Variants in TMC4 observed in about 807,000 individuals in gnomAD.
TMC4 encodes transmembrane channel like 4, also known as voltage-gated chloride channel TMC4.
Under a neutral mutation model 82.0 loss-of-function variants are expected in TMC4, and 70 were observed. The ratio of observed to expected loss-of-function variants is 0.85; its 90% CI spans 0.70 to 1.04. The LOEUF (loss-of-function observed/expected upper bound fraction) is 1.04. Ranked by LOEUF, TMC4 falls within the 50% of genes least tolerant of loss-of-function variation. The pLI is 0.00. For missense variants in TMC4, 879 were observed against 899.0 expected (o/e 0.98, Z 0.28); for synonymous variants, 446 against 406.0 (o/e 1.10, Z -1.18).
rs764745716 is a variant in TMC4 at position 54,169,597 on chromosome 19, C to T, written c.357G>A (p.Ala119=). 8.7e-6 allele frequency: 14 copies of T among 1,614,042 alleles called. No homozygotes were observed. The highest frequency in any genetic ancestry group is 1.6e-4 in the Middle Eastern group (1 of 6,062). Residue 119 remains alanine, a synonymous_variant, in exon 3 of 15, where the codon GCG becomes GCA. Coordinates refer to ENST00000619895, the MANE Select transcript of TMC4 (RefSeq NM_144686.4). The part of the protein sequence containing the change: ...YGSGTKTDRW[A]RLLRRSKEKT... ...TCTCCTTGGACCTCCGAAGTAGCCG[C>T]GCCCATCGGTCCGTCTTAGTTCCAG... is the stretch of plus-strand genomic sequence containing the variant.
chr19:54,162,738 G>C lies in TMC4; in HGVS notation c.1437C>G (p.Tyr479Ter). Residue 479 changes from tyrosine (Y) to a stop codon, truncating the protein, a stop_gained, in exon 10 of 15, where the codon TAC (tyrosine) becomes TAG (stop). Coordinates refer to ENST00000619895, the MANE Select transcript of TMC4 (RefSeq NM_144686.4). LOFTEE classifies it high-confidence loss of function. ...TCAGCAGATCAAAGAGCAGAAGTTT[G>C]TACATTTCCTGGCCCAGGACAGTCT... The part of the protein sequence containing the change: ...CWETVLGQEM[Y>*]KLLLFDLLTV... 6.2e-7 allele frequency: 1 copy of C among 1,614,074 alleles called. No homozygotes were observed. The highest frequency in any genetic ancestry group is 8.5e-7 in the Non-Finnish European group (1 of 1,180,004).
At position 54,169,573 on chromosome 19, in the gene TMC4, C is replaced by G. The variant is rs1404591565; in HGVS notation, c.381G>C (p.Glu127Asp). ...RWARLLRRSK[E>D]KTKEGLRSLQ... ...GGCTTCGCAAGCCTTCCTTTGTTTT[C>G]TCCTTGGACCTCCGAAGTAGCCGCG... is the stretch of plus-strand genomic sequence containing the variant. The change falls in exon 3 of 15, where the codon GAG becomes GAC. Residue 127 changes from glutamate to aspartate, a missense_variant. Physicochemically the swap from Glu to Asp is conservative, Grantham distance 45. Coordinates refer to ENST00000619895, the MANE Select transcript of TMC4 (RefSeq NM_144686.4). The G allele has an allele frequency of 6.2e-7, 1 of 1,613,946 alleles. No individual in the cohort carries two copies. The highest frequency in any genetic ancestry group is 1.7e-5 in the Admixed American group (1 of 59,986).
In TMC4 at chr19:54,163,849, A is replaced by C; in HGVS notation, c.1152T>G (p.Leu384=). 1 of 1,613,964 alleles carries C rather than the reference A, an allele frequency of 6.2e-7. No individual in the cohort carries two copies. Among genetic ancestry groups the C allele is most frequent in the Non-Finnish European group, 8.5e-7 (1 of 1,179,970 alleles). ...AGATGGACGGAAGGTAATTCACCCC[A>C]AGCTTCAGCAGTGGCAACTCCTGGA... ...PLVQELPLLK[L]GVNYLPSIFI... Residue 384 remains leucine (L), a synonymous_variant, in exon 8 of 15, where the codon CTT becomes CTG. Transcript: ENST00000619895.
chr19:54,171,193 C>T (rs529237840), intron 2 of TMC4, among the ~76,000 whole-genome samples: 122 of 135,466 alleles, frequency 9.0e-4, no homozygotes, highest in African/African-American at 3.3e-3. Context: ...ACTGCAACCT[C>T]TATCTCCCTG....
chr19:54,171,098 C>T (rs57322000), intron 2 of TMC4, among the ~76,000 whole-genome samples: 10 of 27,734 alleles, frequency 3.6e-4, no homozygotes, highest in South Asian at 2.1e-3. Context: ...TATATACACA[C>T]ATATGCATAT....
rs1168157143 is a variant in TMC4 at position 54,162,287 on chromosome 19, T to C, written c.1503-2A>G. 6.5e-7 allele frequency: 1 copy of C among 1,541,478 alleles called. No homozygotes were observed. The highest frequency in any genetic ancestry group is 1.5e-5 in the African/African-American group (1 of 68,876). ...CCAGGACAGAGGCCACAGAGGAGCC[T>C]GAAGGACGGGGCGGGGCCGGGCCGG... On this transcript the variant is annotated splice_acceptor_variant, in intron 10 of 14. Transcript: ENST00000619895. LOFTEE classifies it high-confidence loss of function.
chr19:54,160,116 C>A lies in TMC4; in HGVS notation c.*190G>T, dbSNP rs1479594140. 3 of 598,148 alleles carry A rather than the reference C, an allele frequency of 5.0e-6. No individual in the cohort carries two copies. The highest frequency in any genetic ancestry group is 7.9e-6 in the Non-Finnish European group (3 of 377,792). The allele number at this position is 598,148 out of a possible 1,614,324, so 37.1% of individuals were successfully genotyped here. On this transcript the variant is annotated 3_prime_UTR_variant, in exon 15 of 15. Coordinates refer to ENST00000619895, the MANE Select transcript of TMC4 (RefSeq NM_144686.4). ...CAGATTTCAAAGCGCGCTCAGCAAC[C>A]TCGGCTGTATTTATTGATACAAGGA...
chr19:54,171,843 G>T (rs371181168), intron 2 of TMC4, 27 bp downstream of exon 2: 3 of 1,567,388 alleles, frequency 1.9e-6, no homozygotes, highest in Non-Finnish European at 1.7e-6. Flanking sequence ...CGGGCTGTGC[G>T]GGTCCCAGCT....
intron 5 of TMC4, among the ~76,000 whole-genome samples, chr19:54,167,732 T>A (rs1025181057): frequency 4.6e-5 from 7 of 150,802 alleles, no homozygotes; most frequent in Non-Finnish European, 1.0e-4. Context: ...AAACCTTGAT[T>A]TTAACTCACA....
rs747519316 is a variant in TMC4 at position 54,161,079 on chromosome 19, C to T, written c.1818-46G>A. On this transcript the variant is annotated intron_variant, in intron 12 of 14. Transcript: ENST00000619895. The stretch of plus-strand genomic sequence containing the variant: ...GCTCACATAGTGCCAGGAGTCTGAA[C>T]ACTGAATGGGGAGAGAGGGAGGGAG... The T allele has an allele frequency of 3.1e-6, 5 of 1,610,328 alleles. No individual in the cohort carries two copies. The African/African-American group carries it at 5.3e-5, about 17-fold the overall frequency.
At chr19:54,162,619 G>A (rs78890278) in intron 10 of TMC4, 54 bp downstream of exon 10, 25,585 of 1,408,352 alleles carry the variant, frequency 0.018, 908 homozygotes, top group African/African-American at 0.13. Context: ...CAGCGCGATG[G>A]GGCACGGCCT....
rs1486817504 is a variant in TMC4 at position 54,162,766 on chromosome 19, C to T, written c.1409G>A (p.Trp470Ter). The T allele has an allele frequency of 2.5e-6, 4 of 1,613,882 alleles. No homozygotes were observed. Among genetic ancestry groups the T allele is most frequent in the Non-Finnish European group, 3.4e-6 (4 of 1,179,866 alleles). Residue 470 changes from tryptophan (W) to a stop codon, truncating the protein, a stop_gained, in exon 10 of 15, where the codon TGG (tryptophan) becomes TAG (stop). Transcript: ENST00000619895. LOFTEE classifies it high-confidence loss of function. ...CATTTCCTGGCCCAGGACAGTCTCC[C>T]AGCACTGAAGAAGGAAGAAATATAT... ...CGYNYKQLPC[W>*]ETVLGQEMYK...
In TMC4 at chr19:54,163,175, C is replaced by T. The variant is rs767600860; in HGVS notation, c.1278-16G>A. The T allele has an allele frequency of 7.4e-6, 12 of 1,612,794 alleles. No homozygotes were observed. The highest frequency in any genetic ancestry group is 1.0e-5 in the Non-Finnish European group (12 of 1,179,934). ...AAACACGGTCCTGAAGGGGGGAAGG[C>T]AGAGAATGGGCCCTGACCCGGTACC... On this transcript the variant is annotated splice_polypyrimidine_tract_variant and intron_variant, in intron 8 of 14. Transcript: ENST00000619895.
chr19:54,172,779 C>A, intron 1 of TMC4: 1 of 435,996 alleles, frequency 2.3e-6, no homozygotes, highest in South Asian at 3.7e-5. Flanking sequence ...GGGAACCCAG[C>A]CTCTCCTATT....
intron 2 of TMC4, among the ~76,000 whole-genome samples, chr19:54,169,871 C>A (rs995205186): frequency 6.6e-6 from 1 of 151,936 alleles, no homozygotes; most frequent in African/African-American, 2.4e-5. Context: ...GGGTGAATCA[C>A]CTGAGGTCAG....
chr19:54,164,694 C>A, intron 6 of TMC4, 93 bp from the exon 7 acceptor site: 3 of 1,515,692 alleles, frequency 2.0e-6, no homozygotes, highest in Non-Finnish European at 1.8e-6. Context: ...TCCTCCTTAA[C>A]GTGAACTGAT....
intron 8 of TMC4, 107 bp downstream of exon 8, chr19:54,163,617 C>G (rs745482526): frequency 3.7e-6 from 5 of 1,364,902 alleles, no homozygotes; most frequent in Non-Finnish European, 5.2e-6. Context: ...GATTTGAATC[C>G]CTGGATTCGG....
chr19:54,161,684 G>T (rs867903633), intron 11 of TMC4, among the ~76,000 whole-genome samples: 1 of 152,022 alleles, frequency 6.6e-6, no homozygotes, highest in Non-Finnish European at 1.5e-5. Flanking sequence ...GATTACAGGC[G>T]CCTGCCACTA....
At chr19:54,163,915 G>A in intron 7 of TMC4, 28 bp from the exon 8 acceptor site, 2 of 1,610,982 alleles carry the variant, frequency 1.2e-6, no homozygotes, top group South Asian at 1.1e-5. Flanking sequence ...CATGAGTAGA[G>A]GCTTGGGGTC....
Sources: gnomAD v4.1 joint callset for allele counts (sites outside exome capture counted in the v4.1 genomes callset) on GRCh38, gnomAD v4.1.1 for gene constraint, MANE v1.5 for transcripts, NCBI Gene and HGNC (gene_info 2026-07-23, HGNC 2026-07-21) for gene names.